Variants in PDE3A observed in about 807,000 individuals in gnomAD.
The protein encoded by PDE3A is cGMP-inhibited 3',5'-cyclic phosphodiesterase 3A.
A neutral mutation model predicts 98.3 loss-of-function variants in PDE3A; 43 were observed. That is an observed-to-expected ratio of 0.44 (90% CI 0.34 to 0.56). The LOEUF (loss-of-function observed/expected upper bound fraction) is 0.56, where lower values mean the gene tolerates loss of function less well. Among genes scored for constraint, PDE3A ranks in the 20% least tolerant of loss-of-function variants. The pLI is 0.01. For synonymous variants in PDE3A, 663 were observed against 567.9 expected (o/e 1.17, Z -2.38); for missense variants, 1,427 against 1,440.7 (o/e 0.99, Z 0.15).
At chr12:20,625,361 A>C (rs1224171370) in intron 5 of PDE3A, among the ~76,000 whole-genome samples, 1 of 152,202 alleles carries the variant, frequency 6.6e-6, no homozygotes, top group African/African-American at 2.4e-5. Flanking sequence ...CTGTATTTGC[A>C]GTAGTCCTTT....
chr12:20,455,530 T>C (rs1429235481), intron 1 of PDE3A, among the ~76,000 whole-genome samples: 2 of 152,178 alleles, frequency 1.3e-5, no homozygotes, highest in East Asian at 3.9e-4. Flanking sequence ...TGGCATGTAG[T>C]AGGCAGGCAC....
intron 1 of PDE3A, among the ~76,000 whole-genome samples, chr12:20,419,668 TA>T (rs1320604282): frequency 6.6e-6 from 1 of 151,730 alleles, no homozygotes; most frequent in East Asian, 1.9e-4. Context: ...GAACCACAAA[TA>T]AATGCATTTA....
At chr12:20,656,629 TGTATTA>T (rs1945051002) in intron 15 of PDE3A, among the ~76,000 whole-genome samples, 1 of 152,208 alleles carries the variant, frequency 6.6e-6, no homozygotes, top group Non-Finnish European at 1.5e-5. Flanking sequence ...TTAATAAACA[TGTATTA>T]GTTTTCTCTT....
At chr12:20,511,462 G>A (rs979790021) in intron 1 of PDE3A, among the ~76,000 whole-genome samples, 1 of 150,752 alleles carries the variant, frequency 6.6e-6, no homozygotes, top group Non-Finnish European at 1.5e-5. Flanking sequence ...ACACACGATG[G>A]TGATATGTCA....
intron 1 of PDE3A, among the ~76,000 whole-genome samples, chr12:20,520,112 T>C (rs1946395802): frequency 6.6e-6 from 1 of 152,138 alleles, no homozygotes; most frequent in African/African-American, 2.4e-5. Flanking sequence ...TTGGTATCAG[T>C]AATGAAAAAT....
chr12:20,615,661 C>G (rs774227079), intron 3 of PDE3A, among the ~76,000 whole-genome samples: 50 of 152,140 alleles, frequency 3.3e-4, no homozygotes, highest in Non-Finnish European at 6.5e-4. Flanking sequence ...GCAATTGACT[C>G]TCACTCCTAT....
chr12:20,607,483 G>C (rs758193678), intron 2 of PDE3A, among the ~76,000 whole-genome samples: 24 of 151,538 alleles, frequency 1.6e-4, no homozygotes, highest in Non-Finnish European at 2.5e-4. Flanking sequence ...TTGGAAAATG[G>C]TGAATTTACC....
At chr12:20,464,959 A>G (rs1185497826) in intron 1 of PDE3A, among the ~76,000 whole-genome samples, 1 of 152,200 alleles carries the variant, frequency 6.6e-6, no homozygotes, top group African/African-American at 2.4e-5. Flanking sequence ...AGCAAATCTC[A>G]GTATTATGAA....
chr12:20,396,858 C>T (rs1024588419), intron 1 of PDE3A, among the ~76,000 whole-genome samples: 1 of 151,820 alleles, frequency 6.6e-6, no homozygotes, highest in Non-Finnish European at 1.5e-5. Flanking sequence ...AGCATTGTGA[C>T]CAGTTCTGCT....
intron 15 of PDE3A, among the ~76,000 whole-genome samples, chr12:20,667,795 T>A (rs181037760): frequency 2.9e-4 from 44 of 152,280 alleles, no homozygotes; most frequent in African/African-American, 1.1e-3. Flanking sequence ...TTTTTCCTGT[T>A]TTTCTGAATA....
In PDE3A at chr12:20,634,896, T is replaced by C; in HGVS notation, c.1847-6T>C. 1 of 1,604,308 alleles carries C rather than the reference T, an allele frequency of 6.2e-7. No individual in the cohort carries two copies. The highest frequency in any genetic ancestry group is 2.2e-5 in the East Asian group (1 of 44,788). ...CTTGTAATAAGTTGTTCTCTTTTAA[T>C]TGTAGATGACACTGCTCAAGTTACC... is the stretch of plus-strand genomic sequence containing the variant. On this transcript the variant is annotated splice_polypyrimidine_tract_variant and splice_region_variant and intron_variant, in intron 7 of 15. Transcript: ENST00000359062.
At chr12:20,536,075 C>A (rs1941740947) in intron 1 of PDE3A, among the ~76,000 whole-genome samples, 1 of 152,038 alleles carries the variant, frequency 6.6e-6, no homozygotes, top group African/African-American at 2.4e-5. Flanking sequence ...GCAGGTGGAA[C>A]TAATGTAAGT....
intron 1 of PDE3A, among the ~76,000 whole-genome samples, chr12:20,470,055 T>C (rs527521617): frequency 6.6e-6 from 1 of 152,230 alleles, no homozygotes; most frequent in African/African-American, 2.4e-5. Context: ...CTGGAAATCA[T>C]ATTTTAATCT....
intron 1 of PDE3A, among the ~76,000 whole-genome samples, chr12:20,484,312 G>A (rs1945683321): frequency 6.6e-6 from 1 of 152,076 alleles, no homozygotes; most frequent in Non-Finnish European, 1.5e-5. Context: ...GTAATAGTCT[G>A]TTTTAATTTT....
chr12:20,398,068 T>G (rs1944051652), intron 1 of PDE3A, among the ~76,000 whole-genome samples: 1 of 144,250 alleles, frequency 6.9e-6, no homozygotes, highest in Non-Finnish European at 1.5e-5. Context: ...TTTTCGGGAG[T>G]ACTGGCAATC....
At chr12:20,426,753 C>A (rs1386389976) in intron 1 of PDE3A, among the ~76,000 whole-genome samples, 2 of 152,136 alleles carry the variant, frequency 1.3e-5, no homozygotes, top group South Asian at 2.1e-4. Context: ...AGGGTGAAAA[C>A]TAATGGGTAC....
chr12:20,571,518 G>A (rs1565592582), intron 2 of PDE3A, among the ~76,000 whole-genome samples: 2 of 151,992 alleles, frequency 1.3e-5, no homozygotes, highest in Non-Finnish European at 1.5e-5. Flanking sequence ...TACTTCCAAA[G>A]CCTAAACTTG....
chr12:20,438,136 A>C (rs1463157052), intron 1 of PDE3A, among the ~76,000 whole-genome samples: 6 of 152,132 alleles, frequency 3.9e-5, no homozygotes, highest in South Asian at 2.1e-4. Context: ...TTGGATGTAG[A>C]GTGTTGCTAA....
At chr12:20,650,361 A>C in intron 13 of PDE3A, 84 bp from the exon 14 acceptor site, 5 of 834,112 alleles carry the variant, frequency 6.0e-6, no homozygotes, top group Non-Finnish European at 9.5e-6. Flanking sequence ...ATATGAAGAC[A>C]ATAAATGTTC....
Sources: gnomAD v4.1 joint callset for allele counts (sites outside exome capture counted in the v4.1 genomes callset) on GRCh38, gnomAD v4.1.1 for gene constraint, MANE v1.5 for transcripts, NCBI Gene and HGNC (gene_info 2026-07-23, HGNC 2026-07-21) for gene names.